The following FUT8 variants were observed in gnomAD, a reference collection of about 807,000 sequenced individuals.
FUT8 encodes alpha-(1,6)-fucosyltransferase.
Under a neutral mutation model 71.3 loss-of-function variants are expected in FUT8, and 29 were observed. That is an observed-to-expected ratio of 0.41 (90% confidence interval 0.30 to 0.55). FUT8 has a LOEUF of 0.55. Ranked by LOEUF, FUT8 falls within the 20% of genes least tolerant of loss-of-function variation. The pLI, the probability that FUT8 is intolerant of heterozygous loss-of-function variation, is 0.34. For synonymous variants in FUT8, 254 were observed against 239.3 expected (o/e 1.06, Z -0.57); for missense variants, 544 against 702.1 (o/e 0.77, Z 2.55).
chr14:65,711,960 T>C (rs1199432739), intron 7 of FUT8, among the ~76,000 whole-genome samples: 1 of 152,146 alleles, frequency 6.6e-6, no homozygotes, highest in Non-Finnish European at 1.5e-5. Flanking sequence ...GGAAAACAAT[T>C]TGAAGACTGT....
chr14:65,487,564 C>CA (rs745645710), intron 2 of FUT8, among the ~76,000 whole-genome samples: 8,875 of 63,720 alleles, frequency 0.14, 717 homozygotes, highest in African/African-American at 0.25. Flanking sequence ...GACTCCGTCT[C>CA]AAAAAAAAAA....
At chr14:65,677,147 TGTGTGCGCGC>T (rs1427689366) in intron 7 of FUT8, among the ~76,000 whole-genome samples, 14 of 102,828 alleles carry the variant, frequency 1.4e-4, no homozygotes, top group African/African-American at 5.4e-4. Context: ...TGTGTGTGTG[TGTGTGCGCGC>T]GCGCATGCGC....
intron 2 of FUT8, among the ~76,000 whole-genome samples, chr14:65,504,911 C>T (rs1397916610): frequency 2.0e-5 from 3 of 151,874 alleles, no homozygotes; most frequent in Non-Finnish European, 1.5e-5. Context: ...CATTGCACGC[C>T]GGGCTGGGCA....
chr14:65,617,782 A>C (rs7140251), intron 5 of FUT8, among the ~76,000 whole-genome samples: 9,708 of 151,874 alleles, frequency 0.064, 581 homozygotes, highest in African/African-American at 0.15. Flanking sequence ...CGTCTCTACC[A>C]AAAATACAAA....
chr14:65,445,002 A>G (rs1198176348), intron 1 of FUT8, among the ~76,000 whole-genome samples: 1 of 152,102 alleles, frequency 6.6e-6, no homozygotes. Context: ...TCAGGAGTTC[A>G]AGATCAACCA....
At chr14:65,555,629 GT>G (rs2140020700) in intron 2 of FUT8, among the ~76,000 whole-genome samples, 1 of 152,238 alleles carries the variant, frequency 6.6e-6, no homozygotes, top group South Asian at 2.1e-4. Flanking sequence ...TTCTGTGCTG[GT>G]GTTCAGCAAA....
rs563195333 is a variant in FUT8 at position 65,427,293 on chromosome 14, C to T, written c.-326+14079C>T. On this transcript the variant is annotated intron_variant, in intron 1 of 10. Coordinates refer to ENST00000673929, the MANE Select transcript of FUT8 (RefSeq NM_001371533.1). ...CTCCTTGACATACTGATTTCATTTCCTTTGGATGTATACCCATAAGTGGAA... is the reference window on the plus strand; with the variant it reads ...CTCCTTGACATACTGATTTCATTTCTTTTGGATGTATACCCATAAGTGGAA... 8.5e-5 allele frequency among the ~76,000 whole-genome samples: 13 copies of T among 152,238 alleles called. No individual in the cohort carries two copies. In the South Asian group the frequency reaches 2.3e-3, roughly 27 times the overall value.
At chr14:65,701,330 T>C (rs1894283083) in intron 7 of FUT8, among the ~76,000 whole-genome samples, 1 of 152,214 alleles carries the variant, frequency 6.6e-6, no homozygotes, top group Non-Finnish European at 1.5e-5. Flanking sequence ...TAATGTTTAA[T>C]GGTTGGAAGT....
Position 65,721,921 on chromosome 14 carries a change from G to A in FUT8, c.982G>A (p.Val328Met). Residue 328 changes from valine to methionine, a missense_variant, in exon 8 of 11, where the codon GTG becomes ATG. Physicochemically the swap from Val to Met is conservative, Grantham distance 21. Coordinates refer to ENST00000673929, the MANE Select transcript of FUT8 (RefSeq NM_001371533.1). ...RVHGDPAVWW[V>M]SQFVKYLIRP... ...GCATGGTGACCCTGCAGTGTGGTGGGTGTCTCAGTTTGTCAAATACTTGAT... is the reference window on the plus strand; with the variant it reads ...GCATGGTGACCCTGCAGTGTGGTGGATGTCTCAGTTTGTCAAATACTTGAT... The A allele has an allele frequency of 6.2e-7, 1 of 1,614,118 alleles. No individual in the cohort carries two copies. Among genetic ancestry groups the A allele is most frequent in the Non-Finnish European group, 8.5e-7 (1 of 1,180,030 alleles).
Position 65,561,486 on chromosome 14 carries a change from A to G in FUT8, c.-78A>G, listed in dbSNP as rs1885910725. The G allele has an allele frequency of 4.5e-6, 6 of 1,344,634 alleles. No individual in the cohort carries two copies. Among genetic ancestry groups the G allele is most frequent in the South Asian group, 1.2e-5 (1 of 80,826 alleles). 83.3% of individuals were successfully genotyped at this position (1,344,634 alleles called of 1,614,324 possible). On this transcript the variant is annotated 5_prime_UTR_variant, in exon 3 of 11. Transcript: ENST00000673929. ...ACAACAGAAGTCTATTCACCTGTGCACTAACTAGAAACAGAGTTACAATGT... is the reference window on the plus strand; with the variant it reads ...ACAACAGAAGTCTATTCACCTGTGCGCTAACTAGAAACAGAGTTACAATGT...
At chr14:65,418,680 A>C (rs969136343) in intron 1 of FUT8, among the ~76,000 whole-genome samples, 3 of 151,988 alleles carry the variant, frequency 2.0e-5, no homozygotes, top group African/African-American at 7.2e-5. Context: ...GAGATGAAGG[A>C]GATTTATTCA....
At chr14:65,655,497 A>G (rs569774992) in intron 6 of FUT8, among the ~76,000 whole-genome samples, 1 of 151,196 alleles carries the variant, frequency 6.6e-6, no homozygotes, top group African/African-American at 2.4e-5. Flanking sequence ...AAAAAAAAGT[A>G]CAGTGACTGT....
intron 3 of FUT8, among the ~76,000 whole-genome samples, chr14:65,580,966 T>TC (rs1345811940): frequency 3.3e-5 from 5 of 152,114 alleles, no homozygotes; most frequent in Non-Finnish European, 7.4e-5. Context: ...TGGTAGTGCT[T>TC]CTGTAATATT....
At chr14:65,530,608 C>T (rs188914888) in intron 2 of FUT8, among the ~76,000 whole-genome samples, 1 of 152,170 alleles carries the variant, frequency 6.6e-6, no homozygotes, top group Admixed American at 6.5e-5. Context: ...GTTATTCTTT[C>T]ATACATAGCT....
intron 2 of FUT8, among the ~76,000 whole-genome samples, chr14:65,536,687 T>G (rs1367966404): frequency 1.3e-5 from 2 of 152,208 alleles, no homozygotes; most frequent in Non-Finnish European, 2.9e-5. Flanking sequence ...CTTTAACATG[T>G]TTTCTTTCAT....
the FUT8 span, among the ~76,000 whole-genome samples, chr14:65,371,000 G>A: frequency 1.3e-5 from 2 of 152,152 alleles, no homozygotes; most frequent in Admixed American, 6.5e-5. Context: ...GATAAAAGTT[G>A]GTTTAGTAAT....
intron 1 of FUT8, among the ~76,000 whole-genome samples, chr14:65,443,793 A>C (rs918771581): frequency 1.3e-5 from 2 of 151,914 alleles, no homozygotes; most frequent in Admixed American, 6.6e-5. Context: ...CCTTGAGTTC[A>C]GAGTCATTTG....
At position 65,643,665 on chromosome 14, in the gene FUT8, T is replaced by TATACAC. The variant is rs1890964327; in HGVS notation, c.597+14060_597+14061insTACACA. Among the ~76,000 whole-genome samples, 1 of 124,712 alleles carries TATACAC rather than the reference T, an allele frequency of 8.0e-6. No homozygotes were observed. Among genetic ancestry groups the TATACAC allele is most frequent in the South Asian group, 3.0e-4 (1 of 3,366 alleles). 81.8% of individuals were successfully genotyped at this position (124,712 alleles called of 152,430 possible). ...CGAGACTCCGTCTTTAAAAAAAAAATACACACACACACACACACACACACA... is the reference window on the plus strand; with the variant it reads ...CGAGACTCCGTCTTTAAAAAAAAAATATACACACACACACACACACACACACACACA... On this transcript the variant is annotated intron_variant, in intron 6 of 10. Transcript: ENST00000673929. The surrounding 1 kb of genome is among the most constrained non-coding windows in gnomAD (Gnocchi z 4.5).
At chr14:65,606,593 T>G (rs1042701170) in intron 3 of FUT8, among the ~76,000 whole-genome samples, 1 of 151,942 alleles carries the variant, frequency 6.6e-6, no homozygotes, top group Non-Finnish European at 1.5e-5. Flanking sequence ...CATATTAATT[T>G]AGAATGATAC....
Sources: allele counts gnomAD v4.1 joint callset (sites outside exome capture counted in the v4.1 genomes callset), GRCh38; gene constraint gnomAD v4.1.1; non-coding constraint Gnocchi (gnomAD v3.1); transcripts MANE v1.5; gene names NCBI Gene and HGNC (gene_info 2026-07-23, HGNC 2026-07-21).